The following GLIS3 variants were observed in gnomAD, a reference collection of about 807,000 sequenced individuals.
The protein encoded by GLIS3 is zinc finger protein GLIS3.
A neutral mutation model predicts 78.6 loss-of-function variants in GLIS3; 53 were observed. That is an observed-to-expected ratio of 0.67 (90% confidence interval 0.54 to 0.85). The LOEUF (loss-of-function observed/expected upper bound fraction) is 0.85. GLIS3 is among the 40% of genes least tolerant of loss of function. The pLI is 0.00. For synonymous variants in GLIS3, 684 were observed against 509.9 expected, an observed-to-expected ratio of 1.34 and a Z score of -4.60; for missense variants, 1,703 against 1,231.1, an observed-to-expected ratio of 1.38 and a Z score of -5.74.
At chr9:4,014,071 C>T (rs1028420245) in intron 4 of GLIS3, among the ~76,000 whole-genome samples, 21 of 152,146 alleles carry the variant, frequency 1.4e-4, no homozygotes, top group Non-Finnish European at 2.1e-4. Context: ...TCACATGTGG[C>T]CCAAGAATCA....
intron 6 of GLIS3, among the ~76,000 whole-genome samples, chr9:3,907,307 C>T (rs1365406740): frequency 6.6e-6 from 1 of 152,176 alleles, no homozygotes; most frequent in African/African-American, 2.4e-5. Context: ...CATTTAATCA[C>T]TAACTGCCGA....
At chr9:3,963,056 G>A (rs1032849249) in intron 4 of GLIS3, among the ~76,000 whole-genome samples, 5 of 151,458 alleles carry the variant, frequency 3.3e-5, no homozygotes, top group African/African-American at 1.2e-4. Context: ...GCTCAAAAAC[G>A]AAAAGGACAC....
chr9:4,147,035 C>A (rs768885279), intron 2 of GLIS3, among the ~76,000 whole-genome samples: 2 of 152,148 alleles, frequency 1.3e-5, no homozygotes, highest in Non-Finnish European at 2.9e-5. Flanking sequence ...ATTTTCTAGC[C>A]ACCCTGACCT....
intron 2 of GLIS3, among the ~76,000 whole-genome samples, chr9:4,183,998 T>C (rs537360505): frequency 9.2e-5 from 14 of 152,246 alleles, no homozygotes; most frequent in Non-Finnish European, 1.6e-4. Context: ...CAATGCATTT[T>C]ATTTTTATTT....
At chr9:3,877,915 C>G (rs1204752825) in intron 8 of GLIS3, among the ~76,000 whole-genome samples, 2 of 152,148 alleles carry the variant, frequency 1.3e-5, no homozygotes, top group African/African-American at 4.8e-5. Flanking sequence ...TAACAAAGAG[C>G]CTATAATGGT....
chr9:3,844,904 T>G (rs1818940210), intron 9 of GLIS3, among the ~76,000 whole-genome samples: 1 of 152,202 alleles, frequency 6.6e-6, no homozygotes. Context: ...ACATTCAGTG[T>G]GAGGAAATGG....
At chr9:4,094,065 T>C (rs1483962813) in intron 4 of GLIS3, among the ~76,000 whole-genome samples, 1 of 152,200 alleles carries the variant, frequency 6.6e-6, no homozygotes, top group Non-Finnish European at 1.5e-5. Context: ...AGATCATCTG[T>C]TCCGTGGATG....
intron 8 of GLIS3, among the ~76,000 whole-genome samples, chr9:3,859,688 T>C (rs1280784125): frequency 1.3e-5 from 2 of 152,216 alleles, no homozygotes; most frequent in Non-Finnish European, 2.9e-5. Context: ...GTTCTCTAGC[T>C]GCTGATCTGC....
intron 2 of GLIS3, among the ~76,000 whole-genome samples, chr9:4,248,884 T>C (rs1235358789): frequency 6.6e-6 from 1 of 152,240 alleles, no homozygotes; most frequent in Non-Finnish European, 1.5e-5. Flanking sequence ...ATAAATGTCT[T>C]CTTTTGAGAA....
the GLIS3 span, among the ~76,000 whole-genome samples, chr9:4,401,617 G>C: frequency 6.7e-6 from 1 of 150,328 alleles, no homozygotes; most frequent in Non-Finnish European, 1.5e-5. Context: ...GCCCAGGCTG[G>C]AGTGCAATGG....
At chr9:4,403,570 C>G in the GLIS3 span, among the ~76,000 whole-genome samples, 1 of 151,956 alleles carries the variant, frequency 6.6e-6, no homozygotes, top group African/African-American at 2.4e-5. Flanking sequence ...AGCAGGGGAA[C>G]AAAGTTATAA....
At chr9:3,885,411 G>T (rs1238754150) in intron 7 of GLIS3, among the ~76,000 whole-genome samples, 1 of 152,184 alleles carries the variant, frequency 6.6e-6, no homozygotes, top group East Asian at 1.9e-4. Flanking sequence ...TTATGGCCAT[G>T]GTGCTGCTCC....
At chr9:3,933,195 G>A (rs1338352033) in intron 5 of GLIS3, among the ~76,000 whole-genome samples, 1 of 151,044 alleles carries the variant, frequency 6.6e-6, no homozygotes, top group African/African-American at 2.4e-5. Flanking sequence ...TTTTTTTTTA[G>A]ATGTTGTTTT....
At chr9:4,138,051 C>T (rs1833533431) in intron 2 of GLIS3, among the ~76,000 whole-genome samples, 1 of 152,232 alleles carries the variant, frequency 6.6e-6, no homozygotes, top group African/African-American at 2.4e-5. Flanking sequence ...CTCTGTGCTA[C>T]ACTATATACT....
chr9:4,060,327 T>C (rs1826539209), intron 4 of GLIS3, among the ~76,000 whole-genome samples: 1 of 152,204 alleles, frequency 6.6e-6, no homozygotes, highest in African/African-American at 2.4e-5. Context: ...TGGTTCCTGA[T>C]TCTCCTTCTA....
At chr9:4,389,157 C>T in the GLIS3 span, among the ~76,000 whole-genome samples, 5 of 152,270 alleles carry the variant, frequency 3.3e-5, no homozygotes, top group East Asian at 9.6e-4. Context: ...ATTAGGAAAA[C>T]CCTGTGACAT....
chr9:4,306,628 T>A (rs181199367), intron 4 of GLIS3, among the ~76,000 whole-genome samples: 79 of 152,322 alleles, frequency 5.2e-4, no homozygotes, highest in African/African-American at 1.9e-3. Flanking sequence ...GCACCCAGAT[T>A]TTCCTGGAAT....
intron 7 of GLIS3, chr9:3,898,477 T>A: frequency 1.6e-6 from 1 of 624,200 alleles, no homozygotes; most frequent in Non-Finnish European, 2.9e-6. Flanking sequence ...AAAGAGGTAA[T>A]GCATTATTTT....
In GLIS3 at chr9:3,898,729, A is replaced by G. The variant is rs758874232; in HGVS notation, c.2090T>C (p.Val697Ala). Residue 697 changes from valine to alanine, a missense_variant, in exon 7 of 11, where the codon GTG (valine) becomes GCG (alanine). Physicochemically the swap from Val to Ala is moderately conservative, Grantham distance 64. Coordinates refer to ENST00000381971, the MANE Select transcript of GLIS3 (RefSeq NM_001042413.2). ...SPRDAAAEGT[V>A]GRSPGPGPDL... ...AGGCCCGGGTCCAGGGGAGCGTCCC[A>G]CGGTCCCTTCAGCAGCAGCATCTCT... 7 of 1,614,050 alleles carry G rather than the reference A, an allele frequency of 4.3e-6. No individual in the cohort carries two copies. Among genetic ancestry groups the G allele is most frequent in the Non-Finnish European group, 5.9e-6 (7 of 1,180,026 alleles).
Sources: gnomAD v4.1 joint callset for allele counts (sites outside exome capture counted in the v4.1 genomes callset) on GRCh38, gnomAD v4.1.1 for gene constraint, MANE v1.5 for transcripts, NCBI Gene and HGNC (gene_info 2026-07-23, HGNC 2026-07-21) for gene names.